NRK: variants seen among roughly 807,000 people sequenced by gnomAD.
NRK encodes the protein Nik related kinase, also known as nik-related protein kinase.
In NRK, 67 loss-of-function variants were observed where a neutral mutation model predicts 125.2. That is an observed-to-expected ratio of 0.54 (90% CI 0.44 to 0.66). NRK has a LOEUF of 0.66. NRK is among the 30% of genes least tolerant of loss of function. The probability of loss-of-function intolerance (pLI) is 0.00; values close to 1 mark genes in which losing one functional copy is unlikely to be tolerated. For synonymous variants in NRK, 458 were observed against 429.0 expected, an observed-to-expected ratio of 1.07 and a Z score of -0.84; for missense variants, 1,224 against 1,192.9, an observed-to-expected ratio of 1.03 and a Z score of -0.38.
chrX:105,908,969 C>T lies in NRK; in HGVS notation c.1328C>T (p.Ala443Val). The change falls in exon 13 of 29, where the codon GCT becomes GTT. Residue 443 changes from alanine to valine, a missense_variant. Coordinates refer to ENST00000243300, the MANE Select transcript of NRK (RefSeq NM_198465.4). ...AQAPQRLQGA[A>V]RVFMPLQAQV... Reference sequence around the variant, plus strand: ...GCACCTCAACGACTACAAGGGGCAGCTCGGGTGTTCATGCCACTACAGGCT... The same window carrying T: ...GCACCTCAACGACTACAAGGGGCAGTTCGGGTGTTCATGCCACTACAGGCT... The T allele has an allele frequency of 8.3e-7, 1 of 1,209,006 alleles. No homozygotes were observed. Among genetic ancestry groups the T allele is most frequent in the African/African-American group, 1.7e-5 (1 of 57,695 alleles).
chrX:105,883,106 G>A, intron 4 of NRK, among the ~76,000 whole-genome samples: 1 of 112,070 alleles, frequency 8.9e-6, no homozygotes, highest in African/African-American at 3.2e-5. Context: ...CATATTACTG[G>A]AAGATGTGTG....
At chrX:105,831,515 T>C (rs1394070314) in intron 2 of NRK, among the ~76,000 whole-genome samples, 2 of 112,482 alleles carry the variant, frequency 1.8e-5, no homozygotes, top group Non-Finnish European at 3.8e-5. Flanking sequence ...TATATCATAC[T>C]GTGTACTTGA....
chrX:105,919,942 G>T (rs2147762679), intron 16 of NRK, among the ~76,000 whole-genome samples: 1 of 105,290 alleles, frequency 9.5e-6, no homozygotes, highest in African/African-American at 3.5e-5. Flanking sequence ...CATTGCTTTT[G>T]GTGTTTTAGA....
Position 105,935,339 on chromosome X carries a change from G to T in NRK, c.3655+14G>T. 3 of 1,129,872 alleles carry T rather than the reference G, an allele frequency of 2.7e-6. No homozygotes were observed. Among genetic ancestry groups the T allele is most frequent in the Non-Finnish European group, 2.4e-6 (2 of 837,002 alleles). The allele number at this position is 1,129,872 out of a possible 1,213,427, so 93.1% of individuals were successfully genotyped here. A position where few individuals can be genotyped will look rare whatever the true frequency, so the allele number is the denominator to read the frequency against. On this transcript the variant is annotated intron_variant, in intron 21 of 28. Coordinates refer to ENST00000243300, the MANE Select transcript of NRK (RefSeq NM_198465.4). ...GTTCTTTGTGGGGTGAGTTTGTTTT[G>T]TTTTCTTAAAGAATATATTTTTATG...
rs145260404 is a variant in NRK at position 105,933,166 on chromosome X, GTCTATCTATCTA to G, written c.3313-1052_3313-1041del. Among the ~76,000 whole-genome samples, 314 of 101,161 alleles carry G rather than the reference GTCTATCTATCTA, an allele frequency of 3.1e-3. No homozygotes were observed. In the East Asian group the frequency reaches 0.036, roughly 11 times the overall value. 87.8% of individuals were successfully genotyped at this position (101,161 alleles called of 115,157 possible). ...TGTCAGTGGGAAAATATCTATGTCT[GTCTATCTATCTA>G]TCTATCTATCTATCTATCTATCTAT... On this transcript the variant is annotated intron_variant, in intron 19 of 28. Transcript: ENST00000243300.
At chrX:105,948,887 A>G (rs1185697914) in intron 26 of NRK, 1 of 323,310 alleles carries the variant, frequency 3.1e-6, no homozygotes, top group Non-Finnish European at 5.3e-6. Context: ...AGAAAACTTT[A>G]TTGCATTGTT....
chrX:105,839,418 C>T (rs2039303265), intron 2 of NRK, among the ~76,000 whole-genome samples: 1 of 111,414 alleles, frequency 9.0e-6, no homozygotes, highest in African/African-American at 3.3e-5. Flanking sequence ...GTTGAGGCCA[C>T]AGGCATACTA....
rs747675769 is a variant in NRK, at chrX:105,888,282, C to T, written c.253-12C>T. 31 of 1,187,510 alleles carry T rather than the reference C, an allele frequency of 2.6e-5. No homozygotes were observed. The highest frequency in any genetic ancestry group is 3.3e-5 in the Non-Finnish European group (29 of 881,413). On this transcript the variant is annotated splice_polypyrimidine_tract_variant and intron_variant, in intron 4 of 28. Coordinates refer to ENST00000243300, the MANE Select transcript of NRK (RefSeq NM_198465.4). ...CAGTTTAGGAGCTTTGCTGTCTATT[C>T]TTATTCCATAGGATGAGGAAGAGGA... is the stretch of plus-strand genomic sequence containing the variant.
intron 9 of NRK, among the ~76,000 whole-genome samples, chrX:105,901,013 TC>T (rs1602653998): frequency 9.0e-6 from 1 of 111,240 alleles, no homozygotes; most frequent in African/African-American, 3.3e-5. Flanking sequence ...TGGTTGGCGT[TC>T]CAGTCTATAT....
rs1465902334 is a variant in NRK, at chrX:105,893,854, C to T, written c.401C>T (p.Ala134Val). The T allele has an allele frequency of 1.7e-6, 2 of 1,193,950 alleles. No homozygotes were observed. Among genetic ancestry groups the T allele is most frequent in the Non-Finnish European group, 2.3e-6 (2 of 879,785 alleles). ...CAGATGGTGATGGAGTTATGTGCAG[C>T]AGGTTCGGTCACTGATGTAGTGAGA... ...QLWMVMELCAAGSVTDVVRMT... is the reference protein window; with the variant it reads ...QLWMVMELCAVGSVTDVVRMT... The change falls in exon 6 of 29, where the codon GCA becomes GTA. Residue 134 changes from alanine to valine, a missense_variant. Ala to Val is a moderately conservative substitution (Grantham distance 64). Transcript: ENST00000243300.
intron 2 of NRK, among the ~76,000 whole-genome samples, chrX:105,847,330 G>A (rs1179789896): frequency 8.9e-6 from 1 of 112,163 alleles, no homozygotes; most frequent in Non-Finnish European, 1.9e-5. Flanking sequence ...ATTTGACAAA[G>A]CCAAATTACA....
At chrX:105,888,807 C>T (rs971564405) in intron 5 of NRK, among the ~76,000 whole-genome samples, 1 of 110,737 alleles carries the variant, frequency 9.0e-6, no homozygotes, top group African/African-American at 3.3e-5. Flanking sequence ...TTATTCACTG[C>T]CATGAGAACA....
intron 2 of NRK, among the ~76,000 whole-genome samples, chrX:105,831,467 A>G (rs2039191651): frequency 8.9e-6 from 1 of 112,484 alleles, no homozygotes; most frequent in Admixed American, 9.4e-5. Flanking sequence ...TTCAACTGAA[A>G]ACTGAATGTT....
Position 105,922,019 on chromosome X carries a change from A to C in NRK, c.2568A>C (p.Pro856=). 1 of 1,175,006 alleles carries C rather than the reference A, an allele frequency of 8.5e-7. No homozygotes were observed. ...CTGGAAGGAGGTCTCAGTCATCACC[A>C]CCTTATTCTACTATTGATCAGAAGT... ...PVTGRRSQSS[P]PYSTIDQKLL... Residue 856 remains proline (P), a synonymous_variant, in exon 17 of 29, where the codon CCA becomes CCC. Transcript: ENST00000243300.
chrX:105,909,716 G>A lies in NRK; in HGVS notation c.2075G>A (p.Arg692Lys), dbSNP rs1209305524. ...REKKSKVSTL[R>K]QALAKRLSPK... ...AAAAAATCAAAAGTTTCTACTCTGA[G>A]GCAAGCACTGGCAAAAAGACTATCA... The change falls in exon 13 of 29, where the codon AGG (arginine) becomes AAG (lysine). Residue 692 changes from arginine (R) to lysine (K), a missense_variant. Coordinates refer to ENST00000243300, the MANE Select transcript of NRK (RefSeq NM_198465.4). 3 of 1,181,976 alleles carry A rather than the reference G, an allele frequency of 2.5e-6. No individual in the cohort carries two copies. Among genetic ancestry groups the A allele is most frequent in the Non-Finnish European group, 3.4e-6 (3 of 879,652 alleles).
chrX:105,872,194 A>G (rs2039756757), intron 2 of NRK, among the ~76,000 whole-genome samples: 1 of 110,391 alleles, frequency 9.1e-6, no homozygotes. Context: ...CAAATAACAG[A>G]CTCTCTTCAG....
intron 2 of NRK, among the ~76,000 whole-genome samples, chrX:105,857,150 A>C (rs1007699766): frequency 3.6e-5 from 4 of 111,718 alleles, no homozygotes; most frequent in African/African-American, 1.3e-4. Flanking sequence ...TTTCTTTCTT[A>C]AACAATCATT....
intron 22 of NRK, among the ~76,000 whole-genome samples, chrX:105,937,821 C>T (rs933399532): frequency 1.8e-5 from 2 of 111,728 alleles, no homozygotes. Context: ...CATTTGCATC[C>T]TTGCATGTTC....
Position 105,895,523 on chromosome X carries a change from G to A in NRK, c.580G>A (p.Val194Ile). 8.8e-7 allele frequency: 1 copy of A among 1,140,838 alleles called. No individual in the cohort carries two copies. Among genetic ancestry groups the A allele is most frequent in the Non-Finnish European group, 1.2e-6 (1 of 832,218 alleles). 94.0% of individuals were successfully genotyped at this position (1,140,838 alleles called of 1,213,427 possible). Residue 194 changes from valine (V) to isoleucine (I), a missense_variant and splice_region_variant, in exon 7 of 29, where the codon GTT becomes ATT. Physicochemically the swap from Val to Ile is conservative, Grantham distance 29. Transcript: ENST00000243300. ...LLTHNAEVKL[V>I]DFGVSAQVSR... Reference sequence around the variant, plus strand: ...GACTCATAATGCTGAAGTAAAACTGGGTAAGTTTATTCTTATAGTATTTTA... The same window carrying A: ...GACTCATAATGCTGAAGTAAAACTGAGTAAGTTTATTCTTATAGTATTTTA...
Sources: gnomAD v4.1 joint callset for allele counts (sites outside exome capture counted in the v4.1 genomes callset) on GRCh38, gnomAD v4.1.1 for gene constraint, MANE v1.5 for transcripts, NCBI Gene and HGNC (gene_info 2026-07-23, HGNC 2026-07-21) for gene names.